Variants in TRDMT1 observed in about 807,000 individuals in gnomAD.
TRDMT1 encodes tRNA (cytosine(38)-C(5))-methyltransferase.
Under a neutral mutation model 51.2 loss-of-function variants are expected in TRDMT1, and 49 were observed. That is an observed-to-expected ratio of 0.96 (90% CI 0.76 to 1.21). TRDMT1 has a LOEUF of 1.21. Among genes scored for constraint, TRDMT1 ranks in the 50% most tolerant of loss-of-function variants. The pLI is 0.00. For missense variants in TRDMT1, 534 were observed against 462.3 expected, an observed-to-expected ratio of 1.16 and a Z score of -1.42; for synonymous variants, 187 against 164.6, an observed-to-expected ratio of 1.14 and a Z score of -1.04.
intron 1 of TRDMT1, among the ~76,000 whole-genome samples, chr10:17,181,591 G>C (rs575322844): frequency 2.0e-5 from 3 of 152,232 alleles, no homozygotes; most frequent in African/African-American, 7.2e-5. Flanking sequence ...TGAGAACACT[G>C]CTAGCTTAAA....
intron 1 of TRDMT1, among the ~76,000 whole-genome samples, chr10:17,195,405 G>T (rs1845269845): frequency 6.6e-6 from 1 of 152,034 alleles, no homozygotes; most frequent in East Asian, 1.9e-4. Context: ...TTAAACATTG[G>T]ATACTCATGG....
intron 2 of TRDMT1, chr10:17,171,947 T>C (rs1808395841): frequency 6.0e-6 from 1 of 166,868 alleles, no homozygotes; most frequent in African/African-American, 2.4e-5. Context: ...GGAGTCATTC[T>C]CCTCTTCAGA....
intron 10 of TRDMT1, chr10:17,151,094 A>T (rs912660518): frequency 3.7e-6 from 3 of 810,310 alleles, no homozygotes; most frequent in South Asian, 5.7e-5. Flanking sequence ...TTTGCCACTG[A>T]AAGTAAAGCA....
At chr10:17,197,310 G>A (rs1415829248) in intron 1 of TRDMT1, among the ~76,000 whole-genome samples, 1 of 151,830 alleles carries the variant, frequency 6.6e-6, no homozygotes, top group Non-Finnish European at 1.5e-5. Context: ...GCTAGAGGCT[G>A]TACAGGAACA....
intron 10 of TRDMT1, 45 bp downstream of exon 10, chr10:17,153,462 G>A: frequency 6.2e-7 from 1 of 1,603,316 alleles, no homozygotes; most frequent in Non-Finnish European, 8.5e-7. Context: ...AGATTTTTGA[G>A]AGTTTTAATA....
chr10:17,157,215 A>G (rs1839643811), intron 8 of TRDMT1, among the ~76,000 whole-genome samples: 1 of 152,198 alleles, frequency 6.6e-6, no homozygotes, highest in African/African-American at 2.4e-5. Flanking sequence ...AACAAATGAC[A>G]TTGTCTTTTA....
rs563689848 is a variant in TRDMT1, at chr10:17,154,341, G to C, written c.945+336C>G. Among the ~76,000 whole-genome samples the C allele has an allele frequency of 2.0e-4, 31 of 152,090 alleles. 1 individual carries two copies. Among genetic ancestry groups the C allele is most frequent in the Middle Eastern group, 3.4e-3 (1 of 292 alleles). ...GTTTTATAGTGTGTGCTGCAAAGGA[G>C]GGCTCCAATATTAAGATGTTTGTAC... is the stretch of plus-strand genomic sequence containing the variant. On this transcript the variant is annotated intron_variant, in intron 9 of 10. Coordinates refer to ENST00000377799, the MANE Select transcript of TRDMT1 (RefSeq NM_004412.7).
Position 17,159,187 on chromosome 10 carries a change from T to C in TRDMT1, c.502A>G (p.Lys168Glu). Residue 168 changes from lysine (K) to glutamate (E), a missense_variant, in exon 7 of 11, where the codon AAG becomes GAG. Transcript: ENST00000377799. ...NSRLRYFLIA[K>E]LQSEPLPFQA... ...AAGGGTAATGGCTCTGACTGAAGCTTTGCAATAAGAAAATATCGTAGCCTT... is the reference window on the plus strand; with the variant it reads ...AAGGGTAATGGCTCTGACTGAAGCTCTGCAATAAGAAAATATCGTAGCCTT... 1 of 1,604,102 alleles carries C rather than the reference T, an allele frequency of 6.2e-7. No homozygotes were observed. The highest frequency in any genetic ancestry group is 8.5e-7 in the Non-Finnish European group (1 of 1,174,804).
chr10:17,201,390 G>T, intron 1 of TRDMT1, 181 bp downstream of exon 1: 2 of 564,176 alleles, frequency 3.5e-6, no homozygotes, highest in South Asian at 5.0e-5. Flanking sequence ...GGGAGTCAGC[G>T]TCTGGAGGGG....
chr10:17,149,194 G>C (rs963333979), intron 10 of TRDMT1, 54 bp from the exon 11 acceptor site: 3 of 1,379,070 alleles, frequency 2.2e-6, no homozygotes, highest in East Asian at 2.3e-5. Context: ...AATTTCCAGA[G>C]ATGAAAGGAT....
chr10:17,147,884 C>G lies in TRDMT1; in HGVS notation c.*1156G>C. 1.7e-6 allele frequency: 1 copy of G among 601,612 alleles called. No homozygotes were observed. Among genetic ancestry groups the G allele is most frequent in the Non-Finnish European group, 2.1e-6 (1 of 479,664 alleles). The allele number at this position is 601,612 out of a possible 1,614,324, so 37.3% of individuals were successfully genotyped here. ...TTCTATGTTGAATTTTGTGACGAAC[C>G]TCCATAGCGTTTTCCAACAGCAGCT... On this transcript the variant is annotated 3_prime_UTR_variant, in exon 11 of 11. Coordinates refer to ENST00000377799, the MANE Select transcript of TRDMT1 (RefSeq NM_004412.7).
chr10:17,154,601 T>A, intron 9 of TRDMT1, 76 bp downstream of exon 9: 1 of 1,144,058 alleles, frequency 8.7e-7, no homozygotes, highest in Non-Finnish European at 1.2e-6. Context: ...CATAAAATTA[T>A]TCTAATGTTC....
chr10:17,159,279 G>C, intron 6 of TRDMT1, 50 bp from the exon 7 acceptor site: 1 of 1,371,252 alleles, frequency 7.3e-7, no homozygotes, highest in Non-Finnish European at 1.0e-6. Flanking sequence ...AAAGAGAGCG[G>C]TACCAACTTT....
chr10:17,153,870 T>A (rs1467703259), intron 9 of TRDMT1, among the ~76,000 whole-genome samples: 3 of 152,110 alleles, frequency 2.0e-5, no homozygotes, highest in Non-Finnish European at 4.4e-5. Context: ...TTTTTCAGGG[T>A]GTCTGTCATT....
chr10:17,162,154 C>T lies in TRDMT1; in HGVS notation c.323+12G>A. On this transcript the variant is annotated intron_variant, in intron 4 of 10. Coordinates refer to ENST00000377799, the MANE Select transcript of TRDMT1 (RefSeq NM_004412.7). ...ATGAAAGGTAAGCTTGTACAGGAAC[C>T]TAAGTTTTTACCTTGGGAGAATATC... 1 of 1,597,006 alleles carries T rather than the reference C, an allele frequency of 6.3e-7. No homozygotes were observed. Among genetic ancestry groups the T allele is most frequent in the Middle Eastern group, 1.7e-4 (1 of 6,014 alleles).
At chr10:17,151,008 T>A (rs1309696463) in intron 10 of TRDMT1, 5 of 934,160 alleles carry the variant, frequency 5.4e-6, no homozygotes, top group Non-Finnish European at 3.8e-6. Context: ...TGTGTGTGCA[T>A]GTGTGTGTGT....
In TRDMT1 at chr10:17,144,168, TTCTC is replaced by T. The variant is rs1837913051; in HGVS notation, c.*4868_*4871del. 1.0e-6 allele frequency: 1 copy of T among 985,184 alleles called. No homozygotes were observed. The highest frequency in any genetic ancestry group is 1.7e-5 in the African/African-American group (1 of 57,352). 61.0% of individuals were successfully genotyped at this position (985,184 alleles called of 1,614,324 possible). On this transcript the variant is annotated 3_prime_UTR_variant, in exon 11 of 11. Transcript: ENST00000377799. ...CAAGCCTCTGCTCTTCTTTTTCTCT[TTCTC>T]TCTTTCACTCTCATCCTCTGACCCT... is the stretch of plus-strand genomic sequence containing the variant.
rs201948368 is a variant in TRDMT1, at chr10:17,172,915, G to A, written c.174+1636C>T. ...AAGTGGTATAATGTTATTTGAAGGC[G>A]GGCTTCCACAAGTAAAAGATGCATC... On this transcript the variant is annotated intron_variant, in intron 2 of 10. Transcript: ENST00000377799. Among the ~76,000 whole-genome samples, 25 of 152,144 alleles carry A rather than the reference G, an allele frequency of 1.6e-4. No individual in the cohort carries two copies. The East Asian group carries it at 3.7e-3, about 22-fold the overall frequency.
At chr10:17,169,503 G>T in intron 2 of TRDMT1, 1 of 1,289,770 alleles carries the variant, frequency 7.8e-7, no homozygotes, top group Non-Finnish European at 1.0e-6. Context: ...TTCCTAATGG[G>T]CTAAGTAGCT....
Sources: allele counts gnomAD v4.1 joint callset (sites outside exome capture counted in the v4.1 genomes callset), GRCh38; gene constraint gnomAD v4.1.1; transcripts MANE v1.5; gene names NCBI Gene and HGNC (gene_info 2026-07-23, HGNC 2026-07-21).